Variants in KIF6 observed in about 807,000 individuals in gnomAD.
KIF6 encodes the protein kinesin-like protein KIF6.
KIF6 carries 106 observed loss-of-function variants against 112.7 expected under a neutral mutation model. The observed-to-expected ratio is 0.94, with a 90% confidence interval of 0.80 to 1.11. The LOEUF (loss-of-function observed/expected upper bound fraction) is 1.11, where lower values mean the gene tolerates loss of function less well. KIF6 is among the 50% of genes least tolerant of loss of function. The probability of loss-of-function intolerance (pLI) is 0.00; values close to 1 mark genes in which losing one functional copy is unlikely to be tolerated. For missense variants in KIF6, 929 were observed against 964.0 expected, an observed-to-expected ratio of 0.96 and a Z score of 0.48; for synonymous variants, 339 against 339.9, an observed-to-expected ratio of 1.00 and a Z score of 0.03.
At chr6:39,597,011 G>A (rs1163815281) in intron 6 of KIF6, among the ~76,000 whole-genome samples, 3 of 152,098 alleles carry the variant, frequency 2.0e-5, no homozygotes, top group African/African-American at 7.2e-5. Context: ...ATTTTCTAAA[G>A]GATATGTAAT....
chr6:39,702,392 C>T (rs1788925247), intron 3 of KIF6, among the ~76,000 whole-genome samples: 1 of 152,178 alleles, frequency 6.6e-6, no homozygotes, highest in Admixed American at 6.5e-5. Context: ...TTCCTTCGGC[C>T]ATGGCTGCAG....
chr6:39,678,619 A>T (rs1418873660), intron 3 of KIF6, among the ~76,000 whole-genome samples: 4 of 152,204 alleles, frequency 2.6e-5, no homozygotes, highest in African/African-American at 9.7e-5. Flanking sequence ...TGTAGCCCAA[A>T]GGGAACCAAA....
Position 39,545,582 on chromosome 6 carries a change from C to T in KIF6, c.1287+1G>A. On this transcript the variant is annotated splice_donor_variant, in intron 11 of 22. Transcript: ENST00000287152. LOFTEE classifies it high-confidence loss of function. ...TCTATTGGGGAAACATTTAAGTTTA[C>T]CTTTAAATGATGAAAACAGTGATGA... 6.2e-7 allele frequency: 1 copy of T among 1,602,620 alleles called. No individual in the cohort carries two copies. Among genetic ancestry groups the T allele is most frequent in the Non-Finnish European group, 8.5e-7 (1 of 1,170,166 alleles).
chr6:39,448,606 C>T (rs9471106), intron 13 of KIF6, among the ~76,000 whole-genome samples: 6,475 of 152,212 alleles, frequency 0.043, 368 homozygotes, highest in African/African-American at 0.13. Flanking sequence ...CACTTCCTTC[C>T]CTGGCTTTCT....
intron 5 of KIF6, among the ~76,000 whole-genome samples, chr6:39,629,106 G>T (rs951277341): frequency 1.3e-5 from 2 of 151,946 alleles, no homozygotes; most frequent in South Asian, 4.1e-4. Flanking sequence ...CCAATTTTTA[G>T]CAATTATGAA....
chr6:39,636,037 G>A (rs1287609450), intron 4 of KIF6, among the ~76,000 whole-genome samples: 1 of 151,814 alleles, frequency 6.6e-6, no homozygotes, highest in Non-Finnish European at 1.5e-5. Flanking sequence ...AGGGAGAGAG[G>A]ACCAAGTCAC....
intron 9 of KIF6, among the ~76,000 whole-genome samples, chr6:39,583,674 CTTTTTTTT>C (rs564229262): frequency 7.7e-4 from 55 of 71,688 alleles, no homozygotes; most frequent in African/African-American, 2.5e-3. Context: ...GATTTCACTT[CTTTTTTTT>C]TTTTTTTTTT....
At chr6:39,615,713 C>T (rs892537790) in intron 5 of KIF6, among the ~76,000 whole-genome samples, 6 of 152,102 alleles carry the variant, frequency 3.9e-5, no homozygotes, top group Non-Finnish European at 8.8e-5. Context: ...CTTTACTTTC[C>T]ATCCTGTTCC....
At chr6:39,383,064 A>G (rs1225591779) in intron 16 of KIF6, among the ~76,000 whole-genome samples, 1 of 151,816 alleles carries the variant, frequency 6.6e-6, no homozygotes, top group Non-Finnish European at 1.5e-5. Context: ...CTGGATATTA[A>G]TCCTTCATTG....
chr6:39,675,734 A>G (rs1312548243), intron 3 of KIF6, among the ~76,000 whole-genome samples: 3 of 152,138 alleles, frequency 2.0e-5, no homozygotes. Flanking sequence ...AAGTTATAAA[A>G]AATAATAACA....
At chr6:39,677,243 G>C (rs951979426) in intron 3 of KIF6, among the ~76,000 whole-genome samples, 1 of 152,004 alleles carries the variant, frequency 6.6e-6, no homozygotes, top group African/African-American at 2.4e-5. Flanking sequence ...TAGGATAAAA[G>C]AGAGGATTTT....
intron 10 of KIF6, among the ~76,000 whole-genome samples, chr6:39,562,537 TAGA>T (rs957417020): frequency 7.9e-5 from 12 of 152,294 alleles, no homozygotes; most frequent in African/African-American, 2.9e-4. Context: ...ATAAACTCCT[TAGA>T]AGAAGGATTT....
chr6:39,445,950 G>T (rs1772282227), intron 13 of KIF6, among the ~76,000 whole-genome samples: 1 of 152,212 alleles, frequency 6.6e-6, no homozygotes, highest in Non-Finnish European at 1.5e-5. Flanking sequence ...TTTGCCCAAG[G>T]TATTCCCAGG....
intron 13 of KIF6, among the ~76,000 whole-genome samples, chr6:39,454,931 C>T (rs1181801498): frequency 1.3e-5 from 2 of 152,104 alleles, no homozygotes; most frequent in African/African-American, 2.4e-5. Flanking sequence ...AAGGCAGCAG[C>T]GAGGCTGGGG....
intron 16 of KIF6, 39 bp from the exon 17 acceptor site, chr6:39,362,557 G>A (rs1765245351): frequency 2.1e-6 from 3 of 1,414,376 alleles, no homozygotes; most frequent in Non-Finnish European, 3.0e-6. Context: ...TGAGAAAGAA[G>A]GGTAAAAGGA....
chr6:39,351,925 G>C (rs138199736), intron 19 of KIF6, among the ~76,000 whole-genome samples: 117 of 152,314 alleles, frequency 7.7e-4, no homozygotes, highest in African/African-American at 2.6e-3. Flanking sequence ...TTCAGCGAGA[G>C]GGCTCCGTGT....
rs190653156 is a variant in KIF6, at chr6:39,718,152, C to G, written c.176+2550G>C. ...GGCTGAGGAAGGAGAATTGCTTGAA[C>G]CCAGGAAGCGGAGGTTGCAGTGAGC... On this transcript the variant is annotated intron_variant, in intron 2 of 22. Coordinates refer to ENST00000287152, the MANE Select transcript of KIF6 (RefSeq NM_145027.6). Among the ~76,000 whole-genome samples, 892 of 147,560 alleles carry G rather than the reference C, an allele frequency of 6.0e-3. 10 individuals carry two copies. Among genetic ancestry groups the G allele is most frequent in the African/African-American group, 0.021 (831 of 39,772 alleles).
At chr6:39,452,077 T>C (rs533784696) in intron 13 of KIF6, among the ~76,000 whole-genome samples, 1 of 152,330 alleles carries the variant, frequency 6.6e-6, no homozygotes, top group East Asian at 1.9e-4. Flanking sequence ...GTCTACTTCA[T>C]AGGGCTGTTT....
chr6:39,698,866 T>A, intron 3 of KIF6, among the ~76,000 whole-genome samples: 1 of 152,212 alleles, frequency 6.6e-6, no homozygotes, highest in South Asian at 2.1e-4. Context: ...TAATGGGAAT[T>A]TTCATTAATT....
Sources: allele counts gnomAD v4.1 joint callset (sites outside exome capture counted in the v4.1 genomes callset), GRCh38; gene constraint gnomAD v4.1.1; transcripts MANE v1.5; gene names NCBI Gene and HGNC (gene_info 2026-07-23, HGNC 2026-07-21).